ANKRD29: variants seen among roughly 807,000 people sequenced by gnomAD.
ANKRD29 encodes the protein ankyrin repeat domain 29.
Under a neutral mutation model 38.0 loss-of-function variants are expected in ANKRD29, and 32 were observed. That is an observed-to-expected ratio of 0.84 (90% confidence interval 0.64 to 1.13). ANKRD29 has a LOEUF of 1.13. Ranked by LOEUF, ANKRD29 falls within the 50% of genes most tolerant of loss-of-function variation. The pLI, the probability that ANKRD29 is intolerant of heterozygous loss-of-function variation, is 0.00. For missense variants in ANKRD29, 357 were observed against 377.9 expected (o/e 0.94, Z 0.46); for synonymous variants, 135 against 152.4 (o/e 0.89, Z 0.84).
chr18:23,608,821 T>C (rs759448493), intron 9 of ANKRD29, among the ~76,000 whole-genome samples: 1 of 152,174 alleles, frequency 6.6e-6, no homozygotes, highest in Non-Finnish European at 1.5e-5. Context: ...ACTAACAAAT[T>C]AGCTACAAGA....
chr18:23,628,331 T>C (rs2059887336), intron 6 of ANKRD29, among the ~76,000 whole-genome samples: 1 of 152,216 alleles, frequency 6.6e-6, no homozygotes, highest in African/African-American at 2.4e-5. Flanking sequence ...CTTATGTGCT[T>C]GGGCTTCTAA....
chr18:23,634,972 C>T (rs927886059), intron 4 of ANKRD29, among the ~76,000 whole-genome samples: 1 of 152,198 alleles, frequency 6.6e-6, no homozygotes, highest in African/African-American at 2.4e-5. Context: ...ACAAGATCTG[C>T]TGCCATTAAA....
chr18:23,633,505 C>T (rs575402007), intron 5 of ANKRD29, among the ~76,000 whole-genome samples: 2 of 152,092 alleles, frequency 1.3e-5, no homozygotes, highest in East Asian at 1.9e-4. Context: ...CATAGGTACA[C>T]GAAATGTTTC....
intron 1 of ANKRD29, among the ~76,000 whole-genome samples, chr18:23,651,209 G>A (rs2060206953): frequency 6.6e-6 from 1 of 152,192 alleles, no homozygotes; most frequent in African/African-American, 2.4e-5. Flanking sequence ...AGAGTGATAA[G>A]CTAACAGCAA....
At chr18:23,659,604 A>G (rs59223656) in intron 1 of ANKRD29, among the ~76,000 whole-genome samples, 20,092 of 151,384 alleles carry the variant, frequency 0.13, 2,817 homozygotes, top group African/African-American at 0.32. Flanking sequence ...TTAGCTGGGC[A>G]TGGTGGCGCA....
At chr18:23,625,096 A>G (rs969327287) in intron 6 of ANKRD29, among the ~76,000 whole-genome samples, 4 of 152,202 alleles carry the variant, frequency 2.6e-5, no homozygotes, top group Admixed American at 2.6e-4. Flanking sequence ...TTGGGGACCA[A>G]TTCTATTTGA....
intron 9 of ANKRD29, among the ~76,000 whole-genome samples, chr18:23,602,922 G>A (rs2059532108): frequency 6.6e-6 from 1 of 152,186 alleles, no homozygotes; most frequent in Non-Finnish European, 1.5e-5. Context: ...GAGTAGCACT[G>A]CTCAACAGCT....
Position 23,662,768 on chromosome 18 carries a change from G to C in ANKRD29, c.-38C>G. The C allele has an allele frequency of 6.9e-7, 1 of 1,448,384 alleles. No individual in the cohort carries two copies. The highest frequency in any genetic ancestry group is 9.1e-7 in the Non-Finnish European group (1 of 1,103,144). 89.7% of individuals were successfully genotyped at this position (1,448,384 alleles called of 1,614,324 possible). A position where few individuals can be genotyped will look rare whatever the true frequency, so the allele number is the denominator to read the frequency against. ...CCGAGCGGGAGCCGGCGCGCTTTGG[G>C]CCCGGGGCGCCTTGTCCTCCCCGGC... On this transcript the variant is annotated 5_prime_UTR_variant, in exon 1 of 10. Transcript: ENST00000592179.
At chr18:23,608,183 T>C (rs1287946641) in intron 9 of ANKRD29, among the ~76,000 whole-genome samples, 1 of 152,260 alleles carries the variant, frequency 6.6e-6, no homozygotes, top group Non-Finnish European at 1.5e-5. Context: ...TCTTATTCAC[T>C]ATGGCATTCC....
At position 23,661,477 on chromosome 18, in the gene ANKRD29, G is replaced by A. The variant is rs554820883; in HGVS notation, c.21+1233C>T. On this transcript the variant is annotated intron_variant, in intron 1 of 9. Transcript: ENST00000592179. ...CCCCAGCACTTTGGGAGGCCAAGGA[G>A]GGTGGATCACCTGAGGTCAGGAGTT... Among the ~76,000 whole-genome samples, 89 of 152,350 alleles carry A rather than the reference G, an allele frequency of 5.8e-4. No homozygotes were observed. In the South Asian group the frequency reaches 0.013, roughly 22 times the overall value.
At chr18:23,650,835 A>G (rs1016143226) in intron 1 of ANKRD29, among the ~76,000 whole-genome samples, 3 of 152,324 alleles carry the variant, frequency 2.0e-5, no homozygotes, top group African/African-American at 4.8e-5. Context: ...GTCAGAATCA[A>G]TAGGCAAAAT....
intron 8 of ANKRD29, among the ~76,000 whole-genome samples, chr18:23,615,025 T>C (rs2059693039): frequency 6.6e-6 from 1 of 152,154 alleles, no homozygotes; most frequent in Non-Finnish European, 1.5e-5. Flanking sequence ...GCTTCTACTT[T>C]TAAAAATTTT....
In ANKRD29 at chr18:23,649,363, G is replaced by C. The variant is rs951842063; in HGVS notation, c.22-170C>G. On this transcript the variant is annotated intron_variant, in intron 1 of 9. Transcript: ENST00000592179. ...TGTAATAACAGAATGAACTCTGTTG[G>C]ATTCCAGACACCTGAGCCACCACAT... The C allele has an allele frequency of 5.7e-6, 4 of 706,842 alleles. No individual in the cohort carries two copies. In the South Asian group the frequency reaches 6.3e-5, roughly 11 times the overall value. 43.8% of individuals were successfully genotyped at this position (706,842 alleles called of 1,614,324 possible).
At chr18:23,620,567 G>A (rs541779617) in intron 6 of ANKRD29, among the ~76,000 whole-genome samples, 8 of 152,288 alleles carry the variant, frequency 5.3e-5, no homozygotes, top group South Asian at 2.1e-4. Flanking sequence ...GAGTGTCCAC[G>A]TTTTCTTCCC....
rs57089995 is a variant in ANKRD29 at position 23,659,750 on chromosome 18, C to CA, written c.21+2959dup. Among the ~76,000 whole-genome samples the CA allele has an allele frequency of 3.7e-3, 523 of 141,366 alleles. 5 individuals carry two copies. The highest frequency in any genetic ancestry group is 0.021 in the East Asian group (98 of 4,656). The allele number at this position is 141,366 out of a possible 152,430, so 92.7% of individuals were successfully genotyped here. On this transcript the variant is annotated intron_variant, in intron 1 of 9. Transcript: ENST00000592179. Reference sequence around the variant, plus strand: ...GAGTGAGACTCCATCTCAAAAAAGACAAAAAAAAAAACAAAAAACAAACAA... The same window carrying CA: ...GAGTGAGACTCCATCTCAAAAAAGACAAAAAAAAAAAACAAAAAACAAACAA...
rs180691822 is a variant in ANKRD29 at position 23,623,766 on chromosome 18, C to T, written c.529-4137G>A. 3.9e-3 allele frequency among the ~76,000 whole-genome samples: 593 copies of T among 152,104 alleles called. 3 individuals carry two copies. The highest frequency in any genetic ancestry group is 0.014 in the African/African-American group (567 of 41,522). ...CACGCCATTCTCCTGCCTCAGCCTC[C>T]CGAGTAGCTGGGACTACAGGTGCCC... On this transcript the variant is annotated intron_variant, in intron 6 of 9. Transcript: ENST00000592179.
intron 9 of ANKRD29, among the ~76,000 whole-genome samples, chr18:23,610,069 T>C (rs1294250935): frequency 5.9e-5 from 9 of 152,188 alleles, no homozygotes; most frequent in Non-Finnish European, 1.3e-4. Flanking sequence ...TAAAAAAAAA[T>C]TTAACACAGT....
chr18:23,651,190 G>T (rs968646011), intron 1 of ANKRD29, among the ~76,000 whole-genome samples: 1 of 152,168 alleles, frequency 6.6e-6, no homozygotes, highest in Non-Finnish European at 1.5e-5. Flanking sequence ...TGAGAGAATG[G>T]CAGGGTGGAG....
intron 8 of ANKRD29, among the ~76,000 whole-genome samples, chr18:23,616,550 G>GTGTA (rs773981496): frequency 7.5e-6 from 1 of 134,170 alleles, no homozygotes; most frequent in African/African-American, 2.9e-5. Flanking sequence ...TATATATATA[G>GTGTA]TATATATATA....
Sources: gnomAD v4.1 joint callset for allele counts (sites outside exome capture counted in the v4.1 genomes callset) on GRCh38, gnomAD v4.1.1 for gene constraint, MANE v1.5 for transcripts, NCBI Gene and HGNC (gene_info 2026-07-23, HGNC 2026-07-21) for gene names.